The following TTLL5 variants were observed in gnomAD, a reference collection of about 807,000 sequenced individuals.
TTLL5 encodes the protein tubulin tyrosine ligase like 5.
A neutral mutation model predicts 168.4 loss-of-function variants in TTLL5; 132 were observed. The ratio of observed to expected loss-of-function variants is 0.78; its 90% confidence interval spans 0.68 to 0.91. TTLL5 has a LOEUF of 0.91. Ranked by LOEUF, TTLL5 falls within the 40% of genes least tolerant of loss-of-function variation. The probability of loss-of-function intolerance (pLI) is 0.00; values close to 1 mark genes in which losing one functional copy is unlikely to be tolerated. For missense variants in TTLL5, 1,545 were observed against 1,581.5 expected (o/e 0.98, Z 0.39); for synonymous variants, 546 against 558.6 (o/e 0.98, Z 0.32).
At chr14:75,834,706 G>A (rs564780104) in intron 28 of TTLL5, among the ~76,000 whole-genome samples, 2 of 152,276 alleles carry the variant, frequency 1.3e-5, no homozygotes, top group East Asian at 1.9e-4. Context: ...TTATTCTGTA[G>A]ATGGATTAGG....
At chr14:75,769,750 G>A (rs1891168209) in intron 20 of TTLL5, among the ~76,000 whole-genome samples, 1 of 152,068 alleles carries the variant, frequency 6.6e-6, no homozygotes, top group East Asian at 1.9e-4. Context: ...CCCAAACTGA[G>A]GATCTTTTAA....
chr14:75,918,504 A>C (rs1321632243), intron 31 of TTLL5, among the ~76,000 whole-genome samples: 1 of 152,128 alleles, frequency 6.6e-6, no homozygotes, highest in African/African-American at 2.4e-5. Context: ...CTACTAGTAC[A>C]TGGAGTTGGG....
At chr14:75,755,901 T>G (rs1031457417) in intron 18 of TTLL5, among the ~76,000 whole-genome samples, 51 of 152,302 alleles carry the variant, frequency 3.3e-4, no homozygotes, top group African/African-American at 1.2e-3. Context: ...CTACCCACTC[T>G]GTTCTGGCAA....
chr14:75,841,696 T>C (rs568906980), intron 28 of TTLL5, among the ~76,000 whole-genome samples: 31 of 152,114 alleles, frequency 2.0e-4, no homozygotes, highest in African/African-American at 7.0e-4. Flanking sequence ...ACATATTTAC[T>C]TTTTTTTATT....
At chr14:75,720,543 A>G in intron 11 of TTLL5, 53 bp from the exon 12 acceptor site, 2 of 1,286,244 alleles carry the variant, frequency 1.6e-6, no homozygotes, top group Non-Finnish European at 2.3e-6. Context: ...AATCCAGTTC[A>G]TAATCCATGT....
At position 75,745,494 on chromosome 14, in the gene TTLL5, A is replaced by G. The variant is rs1163626612; in HGVS notation, c.1400A>G (p.Lys467Arg). The G allele has an allele frequency of 6.2e-7, 1 of 1,613,996 alleles. No homozygotes were observed. The highest frequency in any genetic ancestry group is 2.2e-5 in the East Asian group (1 of 44,860). The change falls in exon 17 of 32, where the codon AAA becomes AGA. Residue 467 changes from lysine to arginine, a missense_variant. By Grantham distance (26) the Lys-to-Arg change is conservative. Transcript: ENST00000298832. The stretch of plus-strand genomic sequence containing the variant: ...TTTATCTTATTTTTCATCTAGATCA[A>G]AGTTTTACGAAGGGTGAAGGAGGAG... Reference protein sequence around the residue: ...SVLGLSMEEIKVLRRVKEEND... With the variant: ...SVLGLSMEEIRVLRRVKEEND...
At chr14:75,694,276 C>T (rs1885666403) in intron 6 of TTLL5, among the ~76,000 whole-genome samples, 1 of 152,174 alleles carries the variant, frequency 6.6e-6, no homozygotes, top group Non-Finnish European at 1.5e-5. Flanking sequence ...GAAAGACAGT[C>T]TTTGATATTT....
At chr14:75,820,689 G>A (rs1434397481) in intron 28 of TTLL5, 1 of 153,752 alleles carries the variant, frequency 6.5e-6, no homozygotes, top group Non-Finnish European at 1.5e-5. Flanking sequence ...GTTGAGAGAT[G>A]TGGCTAAAGA....
At chr14:75,809,715 T>C (rs1893880582) in intron 27 of TTLL5, among the ~76,000 whole-genome samples, 1 of 152,192 alleles carries the variant, frequency 6.6e-6, no homozygotes, top group Admixed American at 6.5e-5. Flanking sequence ...ATATCTCTTC[T>C]CCTTCCCCTT....
At chr14:75,813,041 G>C (rs140077015) in intron 27 of TTLL5, among the ~76,000 whole-genome samples, 19 of 152,292 alleles carry the variant, frequency 1.2e-4, no homozygotes, top group African/African-American at 4.6e-4. Flanking sequence ...TCATCAGGCA[G>C]ACCAGGAATT....
chr14:75,904,552 A>G (rs570650680), intron 31 of TTLL5, among the ~76,000 whole-genome samples: 207 of 152,292 alleles, frequency 1.4e-3, no homozygotes, highest in Non-Finnish European at 2.4e-3. Context: ...CTTGACCGTG[A>G]ATTACTGTTT....
rs537890022 is a variant in TTLL5, at chr14:75,901,947, A to G, written c.3741-195A>G. On this transcript the variant is annotated intron_variant, in intron 30 of 31. Transcript: ENST00000298832. ...AAATTAACAATAAATCTCAAAATAT[A>G]TACTATTTCAGAAGTGTGGAGGTTT... Among the ~76,000 whole-genome samples, 13 of 152,338 alleles carry G rather than the reference A, an allele frequency of 8.5e-5. No homozygotes were observed. In the South Asian group the frequency reaches 2.3e-3, roughly 27 times the overall value.
chr14:75,725,705 G>A (rs1314490111), intron 12 of TTLL5, among the ~76,000 whole-genome samples: 3 of 152,048 alleles, frequency 2.0e-5, no homozygotes, highest in South Asian at 2.1e-4. Flanking sequence ...CTGCTCTCCC[G>A]TAACTAGATA....
chr14:75,860,592 C>G (rs1897349212), intron 28 of TTLL5, among the ~76,000 whole-genome samples: 1 of 152,210 alleles, frequency 6.6e-6, no homozygotes, highest in Admixed American at 6.5e-5. Context: ...GGATTCAAAG[C>G]AGCACCTGCC....
At chr14:75,910,286 G>GA (rs2140109179) in intron 31 of TTLL5, among the ~76,000 whole-genome samples, 1 of 152,176 alleles carries the variant, frequency 6.6e-6, no homozygotes, top group East Asian at 1.9e-4. Flanking sequence ...ACACCTCTTG[G>GA]AAAAAAATGC....
chr14:75,762,851 A>G (rs1053982067), intron 18 of TTLL5, among the ~76,000 whole-genome samples: 5 of 152,208 alleles, frequency 3.3e-5, no homozygotes, highest in Admixed American at 3.3e-4. Flanking sequence ...TTGACAATGT[A>G]GACGGTATAA....
At chr14:75,929,048 T>C in intron 31 of TTLL5, among the ~76,000 whole-genome samples, 1 of 138,392 alleles carries the variant, frequency 7.2e-6, no homozygotes, top group East Asian at 2.5e-4. Flanking sequence ...CTGACATACT[T>C]CCAGAGAGAT....
intron 15 of TTLL5, among the ~76,000 whole-genome samples, chr14:75,741,406 A>G (rs970819682): frequency 6.6e-6 from 1 of 152,170 alleles, no homozygotes; most frequent in South Asian, 2.1e-4. Flanking sequence ...GATTTATTAT[A>G]TCTACCACCC....
intron 6 of TTLL5, 111 bp downstream of exon 6, chr14:75,690,433 C>T: frequency 3.8e-6 from 5 of 1,320,706 alleles, no homozygotes; most frequent in Non-Finnish European, 5.1e-6. Context: ...AATCCTTAGA[C>T]AACTGTGACT....
Sources: allele counts gnomAD v4.1 joint callset (sites outside exome capture counted in the v4.1 genomes callset), GRCh38; gene constraint gnomAD v4.1.1; transcripts MANE v1.5; gene names NCBI Gene and HGNC (gene_info 2026-07-23, HGNC 2026-07-21).